The following IL3RA variants were observed in gnomAD, a reference collection of about 807,000 sequenced individuals.
IL3RA encodes interleukin-3 receptor subunit alpha.
Under a neutral mutation model 52.3 loss-of-function variants are expected in IL3RA, and 73 were observed. That is an observed-to-expected ratio of 1.40 (90% CI 1.16 to 1.70). The LOEUF (loss-of-function observed/expected upper bound fraction) is 1.70, where lower values mean the gene tolerates loss of function less well. Ranked by LOEUF, IL3RA falls within the 40% of genes most tolerant of loss-of-function variation. The pLI is 0.00. For synonymous variants in IL3RA, 260 were observed against 194.0 expected (o/e 1.34, Z -2.83); for missense variants, 664 against 504.4 (o/e 1.32, Z -3.03).
chrX:1,340,343 T>C (rs1189458742), intron 1 of IL3RA, among the ~76,000 whole-genome samples: 1 of 152,200 alleles, frequency 6.6e-6, no homozygotes, highest in African/African-American at 2.4e-5. Context: ...CTTGAACTCC[T>C]GACCTCGGGC....
chrX:1,356,373 G>A (rs752505506), intron 7 of IL3RA, 37 bp downstream of exon 7: 6 of 934,846 alleles, frequency 6.4e-6, no homozygotes, highest in East Asian at 5.9e-5. Flanking sequence ...CCCCACCCCC[G>A]TGGACATCCC....
chrX:1,345,207 C>G, intron 2 of IL3RA, 109 bp from the exon 3 acceptor site: 1 of 647,196 alleles, frequency 1.5e-6, no homozygotes, highest in South Asian at 2.3e-5. Flanking sequence ...ACTCCACCTC[C>G]CAAAGGTATT....
chrX:1,360,820 G>T (rs1238136902), intron 8 of IL3RA, among the ~76,000 whole-genome samples: 1 of 151,384 alleles, frequency 6.6e-6, no homozygotes, highest in South Asian at 2.1e-4. Flanking sequence ...GAGCCACCGT[G>T]CCCGGCCCCT....
chrX:1,352,629 G>T, intron 6 of IL3RA, 123 bp downstream of exon 6: 3 of 1,072,612 alleles, frequency 2.8e-6, no homozygotes, highest in Non-Finnish European at 4.0e-6. Context: ...CATTTCCAGA[G>T]GCTGGACGTT....
In IL3RA at chrX:1,347,964, G is replaced by A. The variant is rs763222302; in HGVS notation, c.184-467G>A. On this transcript the variant is annotated intron_variant, in intron 3 of 11. Coordinates refer to ENST00000331035, the MANE Select transcript of IL3RA (RefSeq NM_002183.4). ...AGGCAGGAGAATGGCATGAACCCGG[G>A]AGGGAGAGGCTACAGTGAGCCGAGA... Among the ~76,000 whole-genome samples, 39 of 150,294 alleles carry A rather than the reference G, an allele frequency of 2.6e-4. 1 individual carries two copies. The East Asian group carries it at 7.5e-3, about 29-fold the overall frequency.
intron 6 of IL3RA, among the ~76,000 whole-genome samples, chrX:1,354,332 C>T (rs558510284): frequency 1.8e-4 from 27 of 152,092 alleles, no homozygotes; most frequent in South Asian, 4.1e-4. Flanking sequence ...ACCCGAGCTC[C>T]GAGGAACCTC....
intron 6 of IL3RA, 87 bp from the exon 7 acceptor site, chrX:1,356,134 G>A (rs1245259960): frequency 4.7e-6 from 4 of 843,482 alleles, no homozygotes; most frequent in Non-Finnish European, 7.8e-6. Context: ...GAAGTAATTT[G>A]AAGTATCTCC....
Position 1,378,781 on chromosome X carries a change from G to A in IL3RA, c.980+17G>A, listed in dbSNP as rs766237407. 4.1e-5 allele frequency: 65 copies of A among 1,599,100 alleles called. No homozygotes were observed. The highest frequency in any genetic ancestry group is 5.3e-5 in the Non-Finnish European group (62 of 1,168,128). ...CTGCAGAAGGTGAGCCCTCGAGGGC[G>A]TCCGCGAGCGTCGCTTGTTTCCAGT... On this transcript the variant is annotated intron_variant, in intron 10 of 11. Coordinates refer to ENST00000331035, the MANE Select transcript of IL3RA (RefSeq NM_002183.4).
At chrX:1,379,689 C>G (rs2089038858) in intron 10 of IL3RA, among the ~76,000 whole-genome samples, 1 of 152,246 alleles carries the variant, frequency 6.6e-6, no homozygotes, top group South Asian at 2.1e-4. Context: ...CAGCTGTCCA[C>G]TTGGATGGGC....
At position 1,348,257 on chromosome X, in the gene IL3RA, G is replaced by A. The variant is rs1160105347; in HGVS notation, c.184-174G>A. Among the ~76,000 whole-genome samples, 46 of 151,140 alleles carry A rather than the reference G, an allele frequency of 3.0e-4. 1 individual carries two copies. The Admixed American group carries it at 3.0e-3, about 10-fold the overall frequency. On this transcript the variant is annotated intron_variant, in intron 3 of 11. Transcript: ENST00000331035. Reference sequence around the variant, plus strand: ...AATCCCAGGTGCTCGGGAGGTTGAAGCAGGAGAATGGCTTGAACCCGGGAG... The same window carrying A: ...AATCCCAGGTGCTCGGGAGGTTGAAACAGGAGAATGGCTTGAACCCGGGAG...
At chrX:1,340,030 A>G (rs141705992) in intron 1 of IL3RA, among the ~76,000 whole-genome samples, 14,567 of 151,784 alleles carry the variant, frequency 0.096, 939 homozygotes, top group African/African-American at 0.19. Flanking sequence ...GGTGTGCCGC[A>G]GAGGATGTGT....
intron 3 of IL3RA, 134 bp from the exon 4 acceptor site, chrX:1,348,297 G>T (rs182300657): frequency 4.2e-6 from 3 of 715,646 alleles, no homozygotes; most frequent in Admixed American, 4.0e-5. Context: ...AGGCTGCAGT[G>T]AGCCGAGATC....
At chrX:1,351,912 G>A (rs1418127633) in intron 4 of IL3RA, among the ~76,000 whole-genome samples, 188 bp from the exon 5 acceptor site, 5 of 151,964 alleles carry the variant, frequency 3.3e-5, no homozygotes, top group African/African-American at 7.2e-5. Context: ...TCACAGGCGC[G>A]TGCCACCAGA....
At position 1,356,313 on chromosome X, in the gene IL3RA, C is replaced by T. The variant is rs753510585; in HGVS notation, c.709C>T (p.Arg237Cys). 4 of 1,612,078 alleles carry T rather than the reference C, an allele frequency of 2.5e-6. No homozygotes were observed. In the South Asian group the frequency reaches 3.3e-5, roughly 13 times the overall value. The change falls in exon 7 of 12, where the codon CGC (arginine) becomes TGC (cysteine). Residue 237 changes from arginine (R) to cysteine (C), a missense_variant. Coordinates refer to ENST00000331035, the MANE Select transcript of IL3RA (RefSeq NM_002183.4). ...KMRSHFNRKF[R>C]YELQIQKRMQ... is the part of the protein sequence containing the mutation. ...GAGAAGTCATTTCAATCGCAAATTT[C>T]GCTATGAGCTTCAGATACAAAAGGT...
At position 1,360,955 on chromosome X, in the gene IL3RA, C is replaced by G. The variant is rs1412348985; in HGVS notation, c.759+2068C>G. ...TCTCTCTCTCCCTTCCCCTCTGTCT[C>G]TCTCTCCCTTCCCCTCTCTGTCTCT... On this transcript the variant is annotated intron_variant, in intron 8 of 11. Coordinates refer to ENST00000331035, the MANE Select transcript of IL3RA (RefSeq NM_002183.4). Among the ~76,000 whole-genome samples, 40 of 101,018 alleles carry G rather than the reference C, an allele frequency of 4.0e-4. 1 individual carries two copies. The highest frequency in any genetic ancestry group is 6.3e-4 in the Non-Finnish European group (32 of 51,018). The allele number at this position is 101,018 out of a possible 152,430, so 66.3% of individuals were successfully genotyped here. A position where few individuals can be genotyped will look rare whatever the true frequency, so the allele number is the denominator to read the frequency against.
In IL3RA at chrX:1,348,742, C is replaced by G. The variant is rs1484415384; in HGVS notation, c.298+197C>G. Among the ~76,000 whole-genome samples the G allele has an allele frequency of 2.2e-5, 3 of 135,736 alleles. No individual in the cohort carries two copies. The East Asian group carries it at 6.3e-4, about 28-fold the overall frequency. The allele number at this position is 135,736 out of a possible 152,430, so 89.0% of individuals were successfully genotyped here. A position where few individuals can be genotyped will look rare whatever the true frequency, so the allele number is the denominator to read the frequency against. On this transcript the variant is annotated intron_variant, in intron 4 of 11. Transcript: ENST00000331035. The stretch of plus-strand genomic sequence containing the variant: ...TTTCTTCCTTTCTTTTTCTTTCTTT[C>G]TTTCCTTCTTTCCTCTCTTTCTTTT...
In IL3RA at chrX:1,359,262, G is replaced by T. The variant is rs1463539793; in HGVS notation, c.759+375G>T. On this transcript the variant is annotated intron_variant, in intron 8 of 11. Transcript: ENST00000331035. Reference sequence around the variant, plus strand: ...GGGCCAGGCAGCCCCAGTCCAGCAGGAACAAGCTACCAAACCATAGCTCCA... The same window carrying T: ...GGGCCAGGCAGCCCCAGTCCAGCAGTAACAAGCTACCAAACCATAGCTCCA... Among the ~76,000 whole-genome samples the T allele has an allele frequency of 2.0e-5, 3 of 151,920 alleles. No homozygotes were observed. In the East Asian group the frequency reaches 5.8e-4, roughly 29 times the overall value.
At chrX:1,350,314 G>C (rs1205129635) in intron 4 of IL3RA, among the ~76,000 whole-genome samples, 3 of 151,908 alleles carry the variant, frequency 2.0e-5, no homozygotes, top group Admixed American at 2.0e-4. Flanking sequence ...AATTAGCCGG[G>C]CATGGTGGCT....
chrX:1,362,343 C>T (rs2087499144), intron 8 of IL3RA, among the ~76,000 whole-genome samples: 1 of 151,146 alleles, frequency 6.6e-6, no homozygotes, highest in Non-Finnish European at 1.5e-5. Context: ...CTGTTTCTAT[C>T]TCTGTCTCTC....
Sources: allele counts gnomAD v4.1 joint callset (sites outside exome capture counted in the v4.1 genomes callset), GRCh38; gene constraint gnomAD v4.1.1; transcripts MANE v1.5; gene names NCBI Gene and HGNC (gene_info 2026-07-23, HGNC 2026-07-21).